Variants in CHD9 observed in about 807,000 individuals in gnomAD.
The protein encoded by CHD9 is ATP-dependent chromatin remodeler CHD9.
CHD9 carries 77 observed loss-of-function variants against 316.1 expected under a neutral mutation model. That is an observed-to-expected ratio of 0.24 (90% CI 0.20 to 0.29). The LOEUF (loss-of-function observed/expected upper bound fraction) is 0.29. CHD9 is among the 10% of genes least tolerant of loss of function. The pLI, the probability that CHD9 is intolerant of heterozygous loss-of-function variation, is 1.00. For synonymous variants in CHD9, 1,129 were observed against 1,158.3 expected, an observed-to-expected ratio of 0.97 and a Z score of 0.51; for missense variants, 2,763 against 3,438.1, an observed-to-expected ratio of 0.80 and a Z score of 4.91.
At chr16:53,123,927 G>A (rs886286638) in intron 1 of CHD9, among the ~76,000 whole-genome samples, 1 of 152,118 alleles carries the variant, frequency 6.6e-6, no homozygotes, top group African/African-American at 2.4e-5. Context: ...TGTACTATCA[G>A]TACTTAATCT....
intron 1 of CHD9, among the ~76,000 whole-genome samples, chr16:53,076,047 G>T (rs145445856): frequency 6.6e-6 from 1 of 151,974 alleles, no homozygotes; most frequent in South Asian, 2.1e-4. Context: ...CTTATTGGCC[G>T]TTTATATATC....
chr16:53,076,639 T>A (rs1348288459), intron 1 of CHD9, among the ~76,000 whole-genome samples: 2 of 151,324 alleles, frequency 1.3e-5, no homozygotes, highest in African/African-American at 4.8e-5. Context: ...CTGGGCATGG[T>A]GGTGCATGCC....
intron 1 of CHD9, among the ~76,000 whole-genome samples, chr16:53,138,674 T>C (rs191449617): frequency 6.6e-6 from 1 of 152,332 alleles, no homozygotes; most frequent in East Asian, 1.9e-4. Flanking sequence ...TTGTTGTCAC[T>C]TTGGTTAGTG....
intron 1 of CHD9, among the ~76,000 whole-genome samples, chr16:53,085,033 C>T (rs1399531780): frequency 6.6e-6 from 1 of 152,134 alleles, no homozygotes; most frequent in African/African-American, 2.4e-5. Context: ...TTACTTAAGT[C>T]AATTCCCAAA....
Position 53,156,901 on chromosome 16 carries a change from C to A in CHD9, c.812C>A (p.Ser271Tyr). Residue 271 changes from serine (S) to tyrosine (Y), a missense_variant, in exon 2 of 39, where the codon TCT (serine) becomes TAT (tyrosine). By Grantham distance (144) the Ser-to-Tyr change is moderately radical. Around this residue, in one of 15 missense-constraint regions of CHD9, gnomAD observed 859 missense variants for 890.4 expected, o/e 0.96. Coordinates refer to ENST00000447540, the MANE Select transcript of CHD9 (RefSeq NM_001308319.2). ...SCSVSNSQQFSSHYSFSSNHI... is the reference protein window; with the variant it reads ...SCSVSNSQQFYSHYSFSSNHI... ...TCTGTCAGTAATTCACAGCAATTTTCTTCACATTATTCCTTTTCCAGTAAT... is the reference window on the plus strand; with the variant it reads ...TCTGTCAGTAATTCACAGCAATTTTATTCACATTATTCCTTTTCCAGTAAT... 6.2e-7 allele frequency: 1 copy of A among 1,613,710 alleles called. No homozygotes were observed. Among genetic ancestry groups the A allele is most frequent in the Non-Finnish European group, 8.5e-7 (1 of 1,179,684 alleles).
chr16:53,177,518 T>C (rs2043171883), intron 2 of CHD9, among the ~76,000 whole-genome samples: 1 of 152,208 alleles, frequency 6.6e-6, no homozygotes, highest in Admixed American at 6.5e-5. Flanking sequence ...TTAATAATTT[T>C]TAATTTTTCA....
intron 1 of CHD9, among the ~76,000 whole-genome samples, chr16:53,131,710 C>G (rs1027069394): frequency 4.6e-5 from 7 of 152,068 alleles, no homozygotes; most frequent in African/African-American, 1.7e-4. Flanking sequence ...ATCCTGCAGC[C>G]TCTTTCCCTG....
At chr16:53,241,440 T>C (rs1466421558) in intron 12 of CHD9, among the ~76,000 whole-genome samples, 1 of 152,242 alleles carries the variant, frequency 6.6e-6, no homozygotes, top group Non-Finnish European at 1.5e-5. Context: ...TCTGTACTGC[T>C]GAAATTCCTA....
In CHD9 at chr16:53,327,184, A is replaced by G. The variant is rs532838514; in HGVS notation, c.*2289A>G. ...GGGTTATAAGGAAAAAAAAATCAGT[A>G]GAATTACATAATACTAAAGTTGCAG... On this transcript the variant is annotated 3_prime_UTR_variant, in exon 39 of 39. Coordinates refer to ENST00000447540, the MANE Select transcript of CHD9 (RefSeq NM_001308319.2). The G allele has an allele frequency of 1.8e-4, 28 of 152,702 alleles. No homozygotes were observed. Among genetic ancestry groups the G allele is most frequent in the African/African-American group, 6.7e-4 (28 of 41,600 alleles). The allele number at this position is 152,702 out of a possible 1,614,324, so 9.5% of individuals were successfully genotyped here. A position where few individuals can be genotyped will look rare whatever the true frequency, so the allele number is the denominator to read the frequency against.
At position 53,267,960 on chromosome 16, in the gene CHD9, C is replaced by G; in HGVS notation, c.4551C>G (p.Gly1517=). 6.2e-7 allele frequency: 1 copy of G among 1,613,460 alleles called. No individual in the cohort carries two copies. The highest frequency in any genetic ancestry group is 8.5e-7 in the Non-Finnish European group (1 of 1,179,616). ...GATGGAGAGAGATTCTATCTCATGG[C>G]CGTTTCAAAAGGCAGCTAAATGAAC... ...WGRWREILSH[G]RFKRQLNEHD... Residue 1517 remains glycine, a synonymous_variant, in exon 22 of 39, where the codon GGC becomes GGG. Transcript: ENST00000447540.
At chr16:53,136,264 T>TA (rs2039703313) in intron 1 of CHD9, among the ~76,000 whole-genome samples, 1 of 152,168 alleles carries the variant, frequency 6.6e-6, no homozygotes, top group African/African-American at 2.4e-5. Flanking sequence ...TTGTTATTGC[T>TA]ATAAAGGGAC....
chr16:53,301,070 C>G (rs2055355256), intron 30 of CHD9, among the ~76,000 whole-genome samples: 1 of 151,384 alleles, frequency 6.6e-6, no homozygotes, highest in African/African-American at 2.4e-5. Flanking sequence ...AAGCCTCTGT[C>G]TCAAAAAAAG....
intron 1 of CHD9, among the ~76,000 whole-genome samples, chr16:53,138,416 A>G (rs2039873918): frequency 2.6e-5 from 4 of 152,222 alleles, no homozygotes; most frequent in Admixed American, 2.0e-4. Context: ...TAGACATGAA[A>G]TCACTGCGTA....
At chr16:53,311,050 G>A (rs949489107) in intron 34 of CHD9, 2 of 151,706 alleles carry the variant, frequency 1.3e-5, no homozygotes, top group African/African-American at 4.9e-5. Context: ...GCTGGATATG[G>A]TGGTGTGCCC....
chr16:53,252,421 A>G (rs918790394), intron 17 of CHD9, among the ~76,000 whole-genome samples: 1 of 152,218 alleles, frequency 6.6e-6, no homozygotes, highest in Admixed American at 6.5e-5. Context: ...TTAAGGTCTT[A>G]AACCTAAGAC....
intron 34 of CHD9, 147 bp from the exon 35 acceptor site, chr16:53,314,230 T>G: frequency 2.0e-6 from 1 of 499,158 alleles, no homozygotes; most frequent in Non-Finnish European, 3.4e-6. Context: ...AAATGAGAGG[T>G]GGGGATGATA....
chr16:53,307,536 A>G (rs771532609), intron 32 of CHD9, 145 bp from the exon 33 acceptor site: 21 of 680,386 alleles, frequency 3.1e-5, no homozygotes, highest in Non-Finnish European at 5.1e-5. Context: ...GCAGAATTGT[A>G]ATATATATAT....
intron 1 of CHD9, among the ~76,000 whole-genome samples, chr16:53,154,411 G>A (rs1364572290): frequency 6.6e-6 from 1 of 152,058 alleles, no homozygotes; most frequent in Non-Finnish European, 1.5e-5. Context: ...ATAGGCAGAG[G>A]GTTTTGTTGA....
At chr16:53,321,256 A>G (rs2057256304) in intron 37 of CHD9, 5 of 1,352,556 alleles carry the variant, frequency 3.7e-6, no homozygotes, top group Non-Finnish European at 4.8e-6. Flanking sequence ...TAACTAGGCT[A>G]TATGGCCTGT....
Sources: allele counts gnomAD v4.1 joint callset (sites outside exome capture counted in the v4.1 genomes callset), GRCh38; gene constraint gnomAD v4.1.1; regional missense constraint gnomAD v4.1.1; transcripts MANE v1.5; gene names NCBI Gene and HGNC (gene_info 2026-07-23, HGNC 2026-07-21).